RXRA: variants seen among roughly 807,000 people sequenced by gnomAD.
The protein encoded by RXRA is retinoid X receptor alpha.
A neutral mutation model predicts 44.5 loss-of-function variants in RXRA; 5 were observed. The observed-to-expected ratio is 0.11, with a 90% CI of 0.06 to 0.24. RXRA has a LOEUF of 0.24. Among genes scored for constraint, RXRA ranks in the 10% least tolerant of loss-of-function variants. The probability of loss-of-function intolerance (pLI) is 1.00; values close to 1 mark genes in which losing one functional copy is unlikely to be tolerated. For missense variants in RXRA, 412 were observed against 646.5 expected (o/e 0.64, Z 3.93); for synonymous variants, 291 against 271.4 (o/e 1.07, Z -0.71).
At chr9:134,390,602 C>T (rs182914379) in intron 1 of RXRA, among the ~76,000 whole-genome samples, 3 of 152,308 alleles carry the variant, frequency 2.0e-5, no homozygotes, top group Admixed American at 2.0e-4. Flanking sequence ...CGTGCTGAGG[C>T]TGAGCTCGGA....
At chr9:134,359,974 G>A (rs1045977008) in intron 1 of RXRA, among the ~76,000 whole-genome samples, 1 of 152,238 alleles carries the variant, frequency 6.6e-6, no homozygotes, top group Non-Finnish European at 1.5e-5. Context: ...GGAAGCTTCT[G>A]GAGCCGCGGG....
intron 1 of RXRA, among the ~76,000 whole-genome samples, chr9:134,381,609 A>G (rs1830647442): frequency 6.6e-6 from 1 of 152,046 alleles, no homozygotes. Flanking sequence ...TCCCTCCTCC[A>G]TGGCCACAAG....
rs1187978819 is a variant in RXRA, at chr9:134,342,154, G to T, written c.28+15495G>T. 1.3e-5 allele frequency among the ~76,000 whole-genome samples: 2 copies of T among 152,154 alleles called. No individual in the cohort carries two copies. Among genetic ancestry groups the T allele is most frequent in the Non-Finnish European group, 2.9e-5 (2 of 68,026 alleles). On this transcript the variant is annotated intron_variant, in intron 1 of 9. Transcript: ENST00000481739. This position sits in a 1 kb window ranked among gnomAD's most constrained non-coding sequence, Gnocchi z 4.4. ...GGGGCTCTCGTGCTGGCATTTGGTG[G>T]GTAGTGAGTTCTGAACTGTGAGATC...
chr9:134,422,158 T>G, intron 6 of RXRA: 4 of 1,261,152 alleles, frequency 3.2e-6, no homozygotes, highest in Non-Finnish European at 4.1e-6. Flanking sequence ...TTCCCCCTCC[T>G]GGGACACACT....
intron 5 of RXRA, among the ~76,000 whole-genome samples, chr9:134,419,618 G>A (rs34662312): frequency 0.023 from 3,433 of 152,354 alleles, 97 homozygotes; most frequent in South Asian, 0.1. Flanking sequence ...CCCAGCGCGG[G>A]GCAGGGCCTG....
At chr9:134,408,896 G>A (rs374185440) in intron 3 of RXRA, 44 bp from the exon 4 acceptor site, 100 of 1,436,850 alleles carry the variant, frequency 7.0e-5, no homozygotes, top group African/African-American at 6.0e-4. Flanking sequence ...GCTCCCTGCC[G>A]GGGCGGTGGG....
chr9:134,424,608 C>T, intron 6 of RXRA: 1 of 985,458 alleles, frequency 1.0e-6, no homozygotes, highest in Non-Finnish European at 1.2e-6. Flanking sequence ...CTGCCGGGGC[C>T]AGCAGCTCAC....
chr9:134,369,233 G>A (rs1310216382), intron 1 of RXRA, among the ~76,000 whole-genome samples: 2 of 45,154 alleles, frequency 4.4e-5, no homozygotes, highest in Non-Finnish European at 8.1e-5. Context: ...GTTATGTGTG[G>A]GGGGGTTATA....
intron 1 of RXRA, among the ~76,000 whole-genome samples, chr9:134,346,660 G>A (rs782486062): frequency 7.2e-5 from 11 of 152,228 alleles, no homozygotes; most frequent in Non-Finnish European, 2.9e-5. Flanking sequence ...GTGTGTCTGG[G>A]TGCTGTGGGT....
intron 1 of RXRA, 55 bp downstream of exon 1, chr9:134,326,714 CGGGA>C: frequency 3.9e-5 from 12 of 311,094 alleles, no homozygotes; most frequent in Non-Finnish European, 5.4e-5. Context: ...GGCCGGCGGG[CGGGA>C]GGGGGCCGGG....
intron 5 of RXRA, among the ~76,000 whole-genome samples, chr9:134,420,458 A>T (rs1268425851): frequency 6.6e-6 from 1 of 151,928 alleles, no homozygotes; most frequent in African/African-American, 2.4e-5. Flanking sequence ...CCCTGTGTAT[A>T]CCCCTTCTGG....
chr9:134,433,717 G>A lies in RXRA; in HGVS notation c.1136-385G>A, dbSNP rs1831569784. 6.6e-6 allele frequency among the ~76,000 whole-genome samples: 1 copy of A among 151,894 alleles called. No individual in the cohort carries two copies. Among genetic ancestry groups the A allele is most frequent in the African/African-American group, 2.4e-5 (1 of 41,328 alleles). The stretch of plus-strand genomic sequence containing the variant: ...CGCTATCTCCCATCCATGTTATGGG[G>A]CTGGGACCCAAGGGCAGCAGCAGCA... On this transcript the variant is annotated intron_variant, in intron 8 of 9. Coordinates refer to ENST00000481739, the MANE Select transcript of RXRA (RefSeq NM_002957.6). The surrounding 1 kb of genome is among the most constrained non-coding windows in gnomAD (Gnocchi z 4.2).
chr9:134,372,863 C>T (rs758830762), intron 1 of RXRA, among the ~76,000 whole-genome samples: 9 of 152,334 alleles, frequency 5.9e-5, no homozygotes, highest in African/African-American at 9.6e-5. Context: ...GGACTGGGCG[C>T]GGAGCTGCTT....
At position 134,433,165 on chromosome 9, in the gene RXRA, C is replaced by T. The variant is rs1270917740; in HGVS notation, c.1136-937C>T. Among the ~76,000 whole-genome samples the T allele has an allele frequency of 6.6e-6, 1 of 152,070 alleles. No individual in the cohort carries two copies. Among genetic ancestry groups the T allele is most frequent in the Non-Finnish European group, 1.5e-5 (1 of 68,002 alleles). The stretch of plus-strand genomic sequence containing the variant: ...TCTTCTTGTGGGGAGAGCTTGTTTC[C>T]AGGGTCATTTTATCACCCAGGCTGT... On this transcript the variant is annotated intron_variant, in intron 8 of 9. Coordinates refer to ENST00000481739, the MANE Select transcript of RXRA (RefSeq NM_002957.6). The surrounding 1 kb of genome is among the most constrained non-coding windows in gnomAD (Gnocchi z 4.2).
intron 6 of RXRA, chr9:134,423,595 C>A: frequency 1.0e-6 from 1 of 985,438 alleles, no homozygotes; most frequent in Non-Finnish European, 1.2e-6. Context: ...CCAGGATAAT[C>A]TCCCATCTCA....
intron 1 of RXRA, among the ~76,000 whole-genome samples, chr9:134,367,562 G>A (rs1339232819): frequency 6.6e-6 from 1 of 152,266 alleles, no homozygotes; most frequent in East Asian, 1.9e-4. Context: ...GACAGGATGT[G>A]AAACCCCCGG....
At chr9:134,330,172 C>T (rs1554746483) in intron 1 of RXRA, among the ~76,000 whole-genome samples, 10 of 152,184 alleles carry the variant, frequency 6.6e-5, no homozygotes, top group Non-Finnish European at 4.4e-5. Flanking sequence ...CCAGCAGACA[C>T]AGGGCAGAGG....
chr9:134,364,934 G>A (rs1229666822), intron 1 of RXRA, among the ~76,000 whole-genome samples: 1 of 152,194 alleles, frequency 6.6e-6, no homozygotes, highest in Non-Finnish European at 1.5e-5. Flanking sequence ...ATGTTACATA[G>A]ATGAGGCCTC....
chr9:134,360,324 C>T (rs1325844117), intron 1 of RXRA, among the ~76,000 whole-genome samples: 3 of 152,294 alleles, frequency 2.0e-5, no homozygotes, highest in South Asian at 2.1e-4. Flanking sequence ...GAGCAGGAAG[C>T]GCTGGTTCCT....
Sources: gnomAD v4.1 joint callset for allele counts (sites outside exome capture counted in the v4.1 genomes callset) on GRCh38, gnomAD v4.1.1 for gene constraint, Gnocchi (gnomAD v3.1) non-coding constraint, MANE v1.5 for transcripts, NCBI Gene and HGNC (gene_info 2026-07-23, HGNC 2026-07-21) for gene names.